ZNF469: variants seen among roughly 807,000 people sequenced by gnomAD.
ZNF469 encodes the protein zinc finger protein 469.
Under a neutral mutation model 1.0 loss-of-function variants are expected in ZNF469, and 1 was observed. The ratio of observed to expected loss-of-function variants is 1.00; its 90% CI spans 0.35 to 4.73. The LOEUF is 4.73. Ranked by LOEUF, ZNF469 falls within the 30% of genes most tolerant of loss-of-function variation. The pLI is 0.16. For synonymous variants in ZNF469, 2,703 were observed against 2,363.4 expected, an observed-to-expected ratio of 1.14 and a Z score of -4.17; for missense variants, 6,100 against 5,356.3, an observed-to-expected ratio of 1.14 and a Z score of -4.33.
chr16:88,233,651 T>G, the ZNF469 span, among the ~76,000 whole-genome samples: 1 of 152,200 alleles, frequency 6.6e-6, no homozygotes, highest in African/African-American at 2.4e-5. Context: ...TCCCAAAACC[T>G]CAGCCCCATG....
chr16:88,114,069 C>A, the ZNF469 span, among the ~76,000 whole-genome samples: 1 of 152,168 alleles, frequency 6.6e-6, no homozygotes, highest in African/African-American at 2.4e-5. Flanking sequence ...GTCCCCCACC[C>A]CCAGCTTCAT....
At chr16:88,350,476 C>A in the ZNF469 span, among the ~76,000 whole-genome samples, 1 of 152,262 alleles carries the variant, frequency 6.6e-6, no homozygotes, top group Non-Finnish European at 1.5e-5. Context: ...CTCACCAGCA[C>A]ATGACCAGGC....
chr16:88,122,162 A>G, the ZNF469 span, among the ~76,000 whole-genome samples: 1 of 147,104 alleles, frequency 6.8e-6, no homozygotes, highest in Non-Finnish European at 1.5e-5. Context: ...GTCACTCGGT[A>G]TGGCCACGGC....
chr16:88,329,379 T>C, the ZNF469 span, among the ~76,000 whole-genome samples: 22 of 152,344 alleles, frequency 1.4e-4, no homozygotes, highest in East Asian at 4.2e-3. Flanking sequence ...AGACGTGATT[T>C]AATTCCTCCC....
the ZNF469 span, among the ~76,000 whole-genome samples, chr16:88,262,659 C>A: frequency 1.3e-5 from 2 of 152,068 alleles, no homozygotes; most frequent in African/African-American, 4.8e-5. The surrounding 1 kb of genome is among the most constrained non-coding windows in gnomAD (Gnocchi z 4.3). Flanking sequence ...CTCCTGGGGT[C>A]CTGGGTCCCC....
the ZNF469 span, among the ~76,000 whole-genome samples, chr16:88,348,876 T>C: frequency 6.6e-6 from 1 of 152,112 alleles, no homozygotes; most frequent in South Asian, 2.1e-4. Flanking sequence ...GCATCACGCG[T>C]GGGCATGTAT....
At chr16:88,330,434 G>A in the ZNF469 span, among the ~76,000 whole-genome samples, 47 of 152,368 alleles carry the variant, frequency 3.1e-4, no homozygotes, top group Middle Eastern at 6.8e-3. Flanking sequence ...CCCTGAGAGC[G>A]GAGTGGGTTT....
At chr16:88,346,024 G>A in the ZNF469 span, among the ~76,000 whole-genome samples, 1 of 152,212 alleles carries the variant, frequency 6.6e-6, no homozygotes, top group African/African-American at 2.4e-5. Context: ...GAGAGGTGGG[G>A]CTCTGGACCG....
chr16:88,362,611 G>A, the ZNF469 span, among the ~76,000 whole-genome samples: 2 of 151,994 alleles, frequency 1.3e-5, no homozygotes, highest in South Asian at 2.1e-4. Context: ...TGAGGATTTC[G>A]TGGTAATTTG....
At chr16:88,289,836 AGT>A in the ZNF469 span, among the ~76,000 whole-genome samples, 2 of 152,192 alleles carry the variant, frequency 1.3e-5, no homozygotes, top group Non-Finnish European at 2.9e-5. Context: ...TTATGTCCCA[AGT>A]GTGTGTCTGT....
At position 88,434,882 on chromosome 16, in the gene ZNF469, C is replaced by G; in HGVS notation, c.7412C>G (p.Pro2471Arg). The change falls in exon 3 of 3, where the codon CCT becomes CGT. Residue 2471 changes from proline to arginine, a missense_variant. By Grantham distance (103) the Pro-to-Arg change is moderately radical (BLOSUM62 -2). Transcript: ENST00000565624. ...TGGAAGGGCCAAGCTCCACATGGGC[C>G]TGTGACCTGTGAGGTCTGCGCAGCC... ...GQWKGQAPHG[P>R]VTCEVCAASF... The G allele has an allele frequency of 2.6e-6, 4 of 1,550,362 alleles. No homozygotes were observed. The highest frequency in any genetic ancestry group is 3.5e-6 in the Non-Finnish European group (4 of 1,146,994).
At position 88,439,038 on chromosome 16, in the gene ZNF469, C is replaced by G. The variant is rs367547260; in HGVS notation, c.11568C>G (p.Arg3856=). 1 of 1,550,454 alleles carries G rather than the reference C, an allele frequency of 6.4e-7. No homozygotes were observed. The highest frequency in any genetic ancestry group is 8.7e-7 in the Non-Finnish European group (1 of 1,146,966). ...RTPRKQATPS[R]VLPTKPKPNS... ...CTCGGAAGCAGGCAACTCCCAGCCGCGTGCTCCCGACCAAGCCCAAGCCCA... is the reference window on the plus strand; with the variant it reads ...CTCGGAAGCAGGCAACTCCCAGCCGGGTGCTCCCGACCAAGCCCAAGCCCA... Residue 3856 remains arginine (R), a synonymous_variant, in exon 3 of 3, where the codon CGC becomes CGG. Coordinates refer to ENST00000565624, the MANE Select transcript of ZNF469 (RefSeq NM_001367624.2).
At chr16:88,171,770 G>T in the ZNF469 span, among the ~76,000 whole-genome samples, 20 of 152,290 alleles carry the variant, frequency 1.3e-4, no homozygotes, top group Admixed American at 1.2e-3. Flanking sequence ...GTGATGGAAT[G>T]ACAGTGACAG....
chr16:88,203,431 C>G, the ZNF469 span, among the ~76,000 whole-genome samples: 3 of 152,142 alleles, frequency 2.0e-5, no homozygotes, highest in Non-Finnish European at 4.4e-5. Flanking sequence ...CACAGCAGCC[C>G]AGGGAGCAGG....
chr16:88,285,599 C>G, the ZNF469 span, among the ~76,000 whole-genome samples: 1 of 152,270 alleles, frequency 6.6e-6, no homozygotes, highest in Non-Finnish European at 1.5e-5. Context: ...ATTTGGCACC[C>G]TCTTGCCCAC....
At chr16:88,168,532 T>C in the ZNF469 span, among the ~76,000 whole-genome samples, 1 of 152,176 alleles carries the variant, frequency 6.6e-6, no homozygotes, top group Non-Finnish European at 1.5e-5. This position sits in a 1 kb window ranked among gnomAD's most constrained non-coding sequence, Gnocchi z 4.3. Flanking sequence ...CTTGTGCAGG[T>C]TCAAGAGGGG....
the ZNF469 span, among the ~76,000 whole-genome samples, chr16:88,321,333 C>T: frequency 6.9e-3 from 1,049 of 152,346 alleles, 10 homozygotes; most frequent in African/African-American, 0.024. Flanking sequence ...GGTTTTTGCC[C>T]GTAAGGCCTT....
chr16:88,431,768 C>G lies in ZNF469; in HGVS notation c.4298C>G (p.Pro1433Arg). 6.5e-7 allele frequency: 1 copy of G among 1,549,914 alleles called. No individual in the cohort carries two copies. Among genetic ancestry groups the G allele is most frequent in the Non-Finnish European group, 8.7e-7 (1 of 1,146,958 alleles). ...CTCGAGCCACAGCTGCCAAGGAGCC[C>G]ACCTGGCACCGCTGAGACGGAGCCA... ...GSLEPQLPRS[P>R]PGTAETEPGR... Residue 1433 changes from proline to arginine, a missense_variant, in exon 3 of 3, where the codon CCA (proline) becomes CGA (arginine). By Grantham distance (103) the Pro-to-Arg change is moderately radical (BLOSUM62 -2). Transcript: ENST00000565624.
At chr16:88,139,797 T>A in the ZNF469 span, among the ~76,000 whole-genome samples, 1 of 152,316 alleles carries the variant, frequency 6.6e-6, no homozygotes, top group African/African-American at 2.4e-5. Flanking sequence ...TCTCCAGACC[T>A]TCTCGACACC....
Sources: allele counts gnomAD v4.1 joint callset (sites outside exome capture counted in the v4.1 genomes callset), GRCh38; gene constraint gnomAD v4.1.1; non-coding constraint Gnocchi (gnomAD v3.1); transcripts MANE v1.5; gene names NCBI Gene and HGNC (gene_info 2026-07-23, HGNC 2026-07-21).